COPG2: variants seen among roughly 807,000 people sequenced by gnomAD.
The protein encoded by COPG2 is coatomer subunit gamma-2.
Under a neutral mutation model 46.3 loss-of-function variants are expected in COPG2, and 37 were observed. The observed-to-expected ratio is 0.80, with a 90% CI of 0.61 to 1.05. The LOEUF is 1.05. COPG2 is among the 50% of genes least tolerant of loss of function. The pLI is 0.00. For synonymous variants in COPG2, 159 were observed against 129.7 expected (o/e 1.23, Z -1.53); for missense variants, 427 against 387.8 (o/e 1.10, Z -0.85).
chr7:130,605,285 C>T (rs1794707555), intron 9 of COPG2: 1 of 519,044 alleles, frequency 1.9e-6, no homozygotes, highest in Non-Finnish European at 3.9e-6. Flanking sequence ...TCAGTTATTG[C>T]ACTTGCTGGG....
rs1019482904 is a variant in COPG2, at chr7:130,561,184, T to C, written c.977A>G (p.Asn326Ser). ...MKHPSAVTAC[N>S]LDLENLITDS... ...TGTGATTAAGTTTTCTAAGTCCAGA[T>C]TGCAGGCAGTAACAGCAGAGGGGTG... The change falls in exon 12 of 24, where the codon AAT becomes AGT. Residue 326 changes from asparagine (N) to serine (S), a missense_variant. Asn to Ser is a conservative substitution (Grantham distance 46, BLOSUM62 1). Transcript: ENST00000425248. The C allele has an allele frequency of 1.8e-5, 7 of 398,446 alleles. No individual in the cohort carries two copies. The highest frequency in any genetic ancestry group is 2.7e-5 in the Non-Finnish European group (6 of 226,052). 24.7% of individuals were successfully genotyped at this position (398,446 alleles called of 1,614,324 possible). A position where few individuals can be genotyped will look rare whatever the true frequency, so the allele number is the denominator to read the frequency against.
intron 9 of COPG2, 93 bp downstream of exon 9, chr7:130,610,860 A>G: frequency 8.1e-7 from 1 of 1,236,468 alleles, no homozygotes; most frequent in South Asian, 1.2e-5. Flanking sequence ...TAAAGTTAGC[A>G]CTGCCCCAAA....
intron 5 of COPG2, among the ~76,000 whole-genome samples, chr7:130,646,516 C>T (rs980129525): frequency 6.6e-6 from 1 of 152,084 alleles, no homozygotes. Context: ...ATTAGTGTCT[C>T]AAGCTAGTTA....
At chr7:130,641,770 T>G (rs1554457341) in intron 5 of COPG2, among the ~76,000 whole-genome samples, 1 of 152,212 alleles carries the variant, frequency 6.6e-6, no homozygotes, top group Non-Finnish European at 1.5e-5. Context: ...TGTTTCGGGC[T>G]TGTATATTTC....
intron 9 of COPG2, among the ~76,000 whole-genome samples, chr7:130,596,145 A>C (rs1202383576): frequency 2.0e-5 from 3 of 152,202 alleles, no homozygotes; most frequent in African/African-American, 7.2e-5. Flanking sequence ...CAGTGGCTGG[A>C]CAGCTGCCAA....
intron 9 of COPG2, among the ~76,000 whole-genome samples, chr7:130,588,599 G>T (rs1554448413): frequency 6.6e-6 from 1 of 152,040 alleles, no homozygotes; most frequent in African/African-American, 2.4e-5. Context: ...TGAACAATGA[G>T]AACACATGGA....
intron 4 of COPG2, among the ~76,000 whole-genome samples, chr7:130,658,518 G>T (rs1471686333): frequency 6.6e-6 from 1 of 151,892 alleles, no homozygotes; most frequent in Non-Finnish European, 1.5e-5. Flanking sequence ...CCCTAAAAAG[G>T]ATGAATTTTA....
rs137903062 is a variant in COPG2, at chr7:130,513,856, T to C, written c.2150-5197A>G. The stretch of plus-strand genomic sequence containing the variant: ...TTCTACTAGGGTCAACTGGGGAAAA[T>C]AGTGGAAGAGCCTGCAGAAGAGACG... On this transcript the variant is annotated intron_variant, in intron 20 of 23. Transcript: ENST00000425248. 9.4e-4 allele frequency among the ~76,000 whole-genome samples: 143 copies of C among 151,956 alleles called. No homozygotes were observed. The East Asian group carries it at 0.022, about 24-fold the overall frequency.
At chr7:130,644,736 T>C (rs1490009989) in intron 5 of COPG2, among the ~76,000 whole-genome samples, 2 of 152,192 alleles carry the variant, frequency 1.3e-5, no homozygotes, top group Non-Finnish European at 2.9e-5. Flanking sequence ...GTGCCAGATA[T>C]TTCCCAATTC....
chr7:130,543,726 T>A (rs891601503), intron 20 of COPG2, among the ~76,000 whole-genome samples: 1 of 152,212 alleles, frequency 6.6e-6, no homozygotes, highest in East Asian at 1.9e-4. Flanking sequence ...TGTTTTGTTT[T>A]TCCCCTAAGG....
Position 130,611,185 on chromosome 7 carries a change from C to T in COPG2, c.580-75G>A, listed in dbSNP as rs186034799. 5.6e-4 allele frequency: 756 copies of T among 1,349,120 alleles called. 6 individuals are homozygous for T. The African/African-American group carries it at 7.6e-3, about 14-fold the overall frequency. The allele number at this position is 1,349,120 out of a possible 1,614,324, so 83.6% of individuals were successfully genotyped here. A position where few individuals can be genotyped will look rare whatever the true frequency, so the allele number is the denominator to read the frequency against. ...ATATTTACACAAAAATAGAATTACA[C>T]GGAACTAGATTAAAGATTTCTTTAA... On this transcript the variant is annotated intron_variant, in intron 8 of 23. Transcript: ENST00000425248.
At chr7:130,612,074 A>G in intron 8 of COPG2, 78 bp downstream of exon 8, 1 of 971,660 alleles carries the variant, frequency 1.0e-6, no homozygotes, top group Non-Finnish European at 1.6e-6. Context: ...TTATCTAGGG[A>G]ATCGATACAC....
intron 3 of COPG2, among the ~76,000 whole-genome samples, chr7:130,663,317 A>G (rs1796014013): frequency 6.6e-6 from 1 of 151,812 alleles, no homozygotes. Context: ...AGTATCTGAA[A>G]TTTTCCTGAA....
chr7:130,565,267 G>A (rs1040069209), intron 9 of COPG2, among the ~76,000 whole-genome samples: 8 of 152,184 alleles, frequency 5.3e-5, no homozygotes, highest in East Asian at 1.9e-4. Flanking sequence ...CACAGCACCC[G>A]TTGGAAAATG....
In COPG2 at chr7:130,641,974, T is replaced by TA. The variant is rs782195414; in HGVS notation, c.323+10894dup. Among the ~76,000 whole-genome samples the TA allele has an allele frequency of 3.9e-5, 6 of 152,220 alleles. No individual in the cohort carries two copies. In the South Asian group the frequency reaches 8.3e-4, roughly 21 times the overall value. On this transcript the variant is annotated intron_variant, in intron 5 of 23. Transcript: ENST00000425248. ...CATTTGATTTTCTGAAACCGGGACG[T>TA]AACTTCTCACATACTGATGCCCACT... is the stretch of plus-strand genomic sequence containing the variant.
chr7:130,652,767 T>G (rs1554459291), intron 5 of COPG2, 102 bp downstream of exon 5: 3 of 760,982 alleles, frequency 3.9e-6, no homozygotes, highest in Non-Finnish European at 6.6e-6. Flanking sequence ...ATTATATTCT[T>G]TTAAATTCCT....
chr7:130,515,912 G>A (rs1799674379), intron 20 of COPG2, among the ~76,000 whole-genome samples: 1 of 151,962 alleles, frequency 6.6e-6, no homozygotes, highest in Non-Finnish European at 1.5e-5. Flanking sequence ...GTAGACAGAG[G>A]AAGGAGAGAA....
intron 9 of COPG2, among the ~76,000 whole-genome samples, chr7:130,576,332 C>T (rs1554446219): frequency 6.6e-6 from 1 of 152,084 alleles, no homozygotes; most frequent in Non-Finnish European, 1.5e-5. Flanking sequence ...AAACGAGCCT[C>T]AATAAATTTA....
intron 4 of COPG2, among the ~76,000 whole-genome samples, chr7:130,655,232 GT>G (rs1254592993): frequency 2.0e-5 from 3 of 151,956 alleles, no homozygotes; most frequent in Non-Finnish European, 1.5e-5. Flanking sequence ...GTGAGGGAAG[GT>G]TAACCAGGAC....
Sources: allele counts gnomAD v4.1 joint callset (sites outside exome capture counted in the v4.1 genomes callset), GRCh38; gene constraint gnomAD v4.1.1; transcripts MANE v1.5; gene names NCBI Gene and HGNC (gene_info 2026-07-23, HGNC 2026-07-21).